Variants in DCUN1D1 observed in about 807,000 individuals in gnomAD.
DCUN1D1 encodes the protein defective in cullin neddylation 1 domain containing 1, also known as DCN1-like protein 1.
A neutral mutation model predicts 39.0 loss-of-function variants in DCUN1D1; 3 were observed. The ratio of observed to expected loss-of-function variants is 0.08; its 90% CI spans 0.04 to 0.20. The LOEUF (loss-of-function observed/expected upper bound fraction) is 0.20. Among genes scored for constraint, DCUN1D1 ranks in the 10% least tolerant of loss-of-function variants. The probability of loss-of-function intolerance (pLI) is 1.00; values close to 1 mark genes in which losing one functional copy is unlikely to be tolerated. For missense variants in DCUN1D1, 158 were observed against 302.4 expected (o/e 0.52, Z 3.54); for synonymous variants, 82 against 96.3 (o/e 0.85, Z 0.87).
At chr3:182,968,624 G>A (rs190313933) in intron 1 of DCUN1D1, among the ~76,000 whole-genome samples, 67 of 149,096 alleles carry the variant, frequency 4.5e-4, no homozygotes, top group African/African-American at 1.4e-3. Flanking sequence ...TTTTTGAGAC[G>A]GAGTCTCGCT....
chr3:182,970,330 A>T (rs1167258351), intron 1 of DCUN1D1, among the ~76,000 whole-genome samples: 1 of 152,218 alleles, frequency 6.6e-6, no homozygotes, highest in Non-Finnish European at 1.5e-5. Flanking sequence ...CTGAAGAAAA[A>T]ATAATAAAGT....
Position 182,939,167 on chromosome 3 carries a change from A to G in DCUN1D1, c.*5927T>C, listed in dbSNP as rs1165335428. ...TGGGATGCCTAGGTATAACTCACACACATAAAGTAAATACCCGCCAGGATG... is the reference window on the plus strand; with the variant it reads ...TGGGATGCCTAGGTATAACTCACACGCATAAAGTAAATACCCGCCAGGATG... On this transcript the variant is annotated 3_prime_UTR_variant, in exon 7 of 7. Coordinates refer to ENST00000292782, the MANE Select transcript of DCUN1D1 (RefSeq NM_020640.4). 6.6e-6 allele frequency: 1 copy of G among 152,216 alleles called. No homozygotes were observed. Among genetic ancestry groups the G allele is most frequent in the Non-Finnish European group, 1.5e-5 (1 of 68,038 alleles). 9.4% of individuals were successfully genotyped at this position (152,216 alleles called of 1,614,324 possible).
chr3:182,945,382 C>T (rs1726340688), intron 6 of DCUN1D1, among the ~76,000 whole-genome samples: 1 of 152,108 alleles, frequency 6.6e-6, no homozygotes, highest in African/African-American at 2.4e-5. Flanking sequence ...ATTTATTACT[C>T]CAACATTTGG....
In DCUN1D1 at chr3:182,939,814, G is replaced by A. The variant is rs1577148321; in HGVS notation, c.*5280C>T. 1 of 152,122 alleles carries A rather than the reference G, an allele frequency of 6.6e-6. No homozygotes were observed. Among genetic ancestry groups the A allele is most frequent in the Non-Finnish European group, 1.5e-5 (1 of 68,018 alleles). 9.4% of individuals were successfully genotyped at this position (152,122 alleles called of 1,614,324 possible). A position where few individuals can be genotyped will look rare whatever the true frequency, so the allele number is the denominator to read the frequency against. ...ACAATTAATTGTACATGTACAATGGGTGAATTTTACAGTGTGTAAATTATA... is the reference window on the plus strand; with the variant it reads ...ACAATTAATTGTACATGTACAATGGATGAATTTTACAGTGTGTAAATTATA... On this transcript the variant is annotated 3_prime_UTR_variant, in exon 7 of 7. Transcript: ENST00000292782.
At chr3:182,959,331 T>C (rs914646457) in intron 4 of DCUN1D1, among the ~76,000 whole-genome samples, 1 of 152,096 alleles carries the variant, frequency 6.6e-6, no homozygotes, top group Non-Finnish European at 1.5e-5. Context: ...CATACCACAT[T>C]ACAAAGGTTA....
Position 182,941,660 on chromosome 3 carries a change from C to T in DCUN1D1, c.*3434G>A, listed in dbSNP as rs1435715252. 6.6e-6 allele frequency: 1 copy of T among 152,006 alleles called. No homozygotes were observed. Among genetic ancestry groups the T allele is most frequent in the African/African-American group, 2.4e-5 (1 of 41,404 alleles). The allele number at this position is 152,006 out of a possible 1,614,324, so 9.4% of individuals were successfully genotyped here. A position where few individuals can be genotyped will look rare whatever the true frequency, so the allele number is the denominator to read the frequency against. On this transcript the variant is annotated 3_prime_UTR_variant, in exon 7 of 7. Coordinates refer to ENST00000292782, the MANE Select transcript of DCUN1D1 (RefSeq NM_020640.4). Reference sequence around the variant, plus strand: ...TCATACTGTTAAAAGTATAAGGTAACATTAAAACTGCTGAGGTGCCAGATA... The same window carrying T: ...TCATACTGTTAAAAGTATAAGGTAATATTAAAACTGCTGAGGTGCCAGATA...
At chr3:182,955,929 CTTTTT>C (rs71185615) in intron 4 of DCUN1D1, 3 of 132,250 alleles carry the variant, frequency 2.3e-5, no homozygotes, top group Non-Finnish European at 3.1e-5. Context: ...GCTTATCAAA[CTTTTT>C]TTTTTTTTTT....
intron 3 of DCUN1D1, 36 bp from the exon 4 acceptor site, chr3:182,961,392 G>GTTTCACTATAAATTAATAACTTACT (rs1727387267): frequency 1.3e-6 from 2 of 1,522,734 alleles, no homozygotes; most frequent in Middle Eastern, 1.7e-4. Context: ...AAGATTAACT[G>GTTTCACTATAAATTAATAACTTACT]TTTCACTATA....
At chr3:182,956,902 G>A (rs1324564728) in intron 4 of DCUN1D1, among the ~76,000 whole-genome samples, 3 of 152,194 alleles carry the variant, frequency 2.0e-5, no homozygotes, top group African/African-American at 7.2e-5. Flanking sequence ...GAAATATGAT[G>A]TTCAACTTTA....
intron 3 of DCUN1D1, among the ~76,000 whole-genome samples, chr3:182,963,313 C>A (rs1251736003): frequency 6.6e-6 from 1 of 152,148 alleles, no homozygotes; most frequent in Non-Finnish European, 1.5e-5. Flanking sequence ...TATTACTATT[C>A]AATAGTGGCC....
At chr3:182,980,364 G>T in intron 1 of DCUN1D1, 123 bp downstream of exon 1, 2 of 719,032 alleles carry the variant, frequency 2.8e-6, no homozygotes, top group Non-Finnish European at 3.4e-6. Context: ...GGAGCGGGAC[G>T]GAGGCCGCGG....
At chr3:182,980,702 C>T, upstream of DCUN1D1, 2 of 347,778 alleles carry the variant, frequency 5.8e-6, no homozygotes, top group Non-Finnish European at 8.0e-6. Context: ...CCCCCGGGCG[C>T]GGGGGTCCCC....
rs369600811 is a variant in DCUN1D1, at chr3:182,974,601, C to A, written c.3+5886G>T. On this transcript the variant is annotated intron_variant, in intron 1 of 6. Coordinates refer to ENST00000292782, the MANE Select transcript of DCUN1D1 (RefSeq NM_020640.4). Reference sequence around the variant, plus strand: ...GATCCTTGAAAAATAAAATCTAATTCTAATATTTGATATTTTCTCAAATCC... The same window carrying A: ...GATCCTTGAAAAATAAAATCTAATTATAATATTTGATATTTTCTCAAATCC... Among the ~76,000 whole-genome samples the A allele has an allele frequency of 2.4e-4, 37 of 151,716 alleles. No individual in the cohort carries two copies. The East Asian group carries it at 5.2e-3, about 21-fold the overall frequency.
intron 4 of DCUN1D1, 34 bp from the exon 5 acceptor site, chr3:182,947,666 G>T: frequency 2.5e-6 from 3 of 1,205,590 alleles, no homozygotes; most frequent in Non-Finnish European, 3.6e-6. Flanking sequence ...GTATTTAAAT[G>T]CTATAAATAT....
At chr3:182,973,327 ATGAAC>A (rs748109350) in intron 1 of DCUN1D1, among the ~76,000 whole-genome samples, 1 of 152,226 alleles carries the variant, frequency 6.6e-6, no homozygotes, top group Non-Finnish European at 1.5e-5. Context: ...TTTAAAACTT[ATGAAC>A]TGTTTATTTC....
In DCUN1D1 at chr3:182,941,562, T is replaced by TA. The variant is rs1213601324; in HGVS notation, c.*3531dup. 1 of 152,068 alleles carries TA rather than the reference T, an allele frequency of 6.6e-6. No individual in the cohort carries two copies. The highest frequency in any genetic ancestry group is 2.4e-5 in the African/African-American group (1 of 41,424). 9.4% of individuals were successfully genotyped at this position (152,068 alleles called of 1,614,324 possible). A position where few individuals can be genotyped will look rare whatever the true frequency, so the allele number is the denominator to read the frequency against. ...ATTTATATGTTAAATAGTTCACATTTAAAAAAACATTTTATCATTACATTA... is the reference window on the plus strand; with the variant it reads ...ATTTATATGTTAAATAGTTCACATTTAAAAAAAACATTTTATCATTACATTA... On this transcript the variant is annotated 3_prime_UTR_variant, in exon 7 of 7. Coordinates refer to ENST00000292782, the MANE Select transcript of DCUN1D1 (RefSeq NM_020640.4).
upstream of DCUN1D1, among the ~76,000 whole-genome samples, chr3:182,981,093 G>T (rs1728530482): frequency 6.6e-6 from 1 of 151,986 alleles, no homozygotes; most frequent in Admixed American, 6.6e-5. Context: ...TCCCTCGCGT[G>T]GGCATCCCAG....
At chr3:182,954,545 C>T (rs1371527744) in intron 4 of DCUN1D1, among the ~76,000 whole-genome samples, 2 of 152,050 alleles carry the variant, frequency 1.3e-5, no homozygotes, top group Non-Finnish European at 2.9e-5. Context: ...AATGCATGAA[C>T]TTTTCTTTAT....
chr3:182,947,598 C>T lies in DCUN1D1; in HGVS notation c.555G>A (p.Val185=), dbSNP rs1442399511. Reference sequence around the variant, plus strand: ...CTAAGAATTTAAATCTTCCATTAAGCACTAAGTTCCAGTAGGCAATGGCCA... The same window carrying T: ...CTAAGAATTTAAATCTTCCATTAAGTACTAAGTTCCAGTAGGCAATGGCCA... The part of the protein sequence containing the change: ...LEMAIAYWNL[V]LNGRFKFLDL... The change falls in exon 5 of 7, where the codon GTG becomes GTA. Residue 185 remains valine, a synonymous_variant. Coordinates refer to ENST00000292782, the MANE Select transcript of DCUN1D1 (RefSeq NM_020640.4). The T allele has an allele frequency of 1.8e-5, 29 of 1,589,896 alleles. No individual in the cohort carries two copies. Among genetic ancestry groups the T allele is most frequent in the Non-Finnish European group, 2.3e-5 (27 of 1,163,764 alleles).
Sources: allele counts gnomAD v4.1 joint callset (sites outside exome capture counted in the v4.1 genomes callset), GRCh38; gene constraint gnomAD v4.1.1; transcripts MANE v1.5; gene names NCBI Gene and HGNC (gene_info 2026-07-23, HGNC 2026-07-21).